ERBB2: variants seen among roughly 807,000 people sequenced by gnomAD.
The protein encoded by ERBB2 is receptor tyrosine-protein kinase erbB-2.
In ERBB2, 61 loss-of-function variants were observed where a neutral mutation model predicts 149.0. The observed-to-expected ratio is 0.41, with a 90% CI of 0.33 to 0.51. The LOEUF (loss-of-function observed/expected upper bound fraction) is 0.51, where lower values mean the gene tolerates loss of function less well. ERBB2 is among the 20% of genes least tolerant of loss of function. ERBB2 has a pLI of 0.25. For missense variants in ERBB2, 1,205 were observed against 1,655.1 expected (o/e 0.73, Z 4.72); for synonymous variants, 633 against 678.8 (o/e 0.93, Z 1.05).
chr17:39,724,566 G>A (rs1050696401), intron 19 of ERBB2, among the ~76,000 whole-genome samples, 160 bp from the exon 20 acceptor site: 2 of 151,984 alleles, frequency 1.3e-5, no homozygotes, highest in African/African-American at 2.4e-5. Flanking sequence ...CCTAATCTTT[G>A]TATTTTTAGT....
chr17:39,712,844 A>G (rs547886000), intron 9 of ERBB2, among the ~76,000 whole-genome samples: 6 of 152,362 alleles, frequency 3.9e-5, no homozygotes, highest in African/African-American at 1.4e-4. Context: ...CCGATACAAC[A>G]TAAATGAATC....
At chr17:39,712,505 C>T (rs2145583064) in intron 9 of ERBB2, 57 bp downstream of exon 9, 1 of 1,587,734 alleles carries the variant, frequency 6.3e-7, no homozygotes, top group Non-Finnish European at 8.6e-7. Flanking sequence ...TCCTGAGGAT[C>T]CAGATGTGGC....
At chr17:39,710,612 T>C in intron 7 of ERBB2, 131 bp downstream of exon 7, 1 of 1,118,380 alleles carries the variant, frequency 8.9e-7, no homozygotes, top group East Asian at 2.5e-5. Context: ...CCGAGCTGCC[T>C]TGTTCTTTCA....
chr17:39,707,247 T>C, intron 2 of ERBB2, 106 bp downstream of exon 2: 1 of 1,009,294 alleles, frequency 9.9e-7, no homozygotes, highest in South Asian at 2.1e-5. Context: ...GTTTCCTCTC[T>C]TGTTGTGGTT....
Position 39,709,311 on chromosome 17 carries a change from C to T in ERBB2, c.440-7C>T, listed in dbSNP as rs1246185893. The T allele has an allele frequency of 1.1e-5, 17 of 1,614,062 alleles. No individual in the cohort carries two copies. The highest frequency in any genetic ancestry group is 1.4e-5 in the Non-Finnish European group (16 of 1,179,994). ...AAAGGGTCCTCTGATCATTGCTCAC[C>T]CCACAGAGATCTTGAAAGGAGGGGT... On this transcript the variant is annotated splice_polypyrimidine_tract_variant and splice_region_variant and intron_variant, in intron 3 of 26. Coordinates refer to ENST00000269571, the MANE Select transcript of ERBB2 (RefSeq NM_004448.4).
Position 39,727,486 on chromosome 17 carries a change from A to G in ERBB2, c.3351A>G (p.Thr1117=), listed in dbSNP as rs368135224. 2 of 1,605,504 alleles carry G rather than the reference A, an allele frequency of 1.2e-6. No homozygotes were observed. Among genetic ancestry groups the G allele is most frequent in the African/African-American group, 2.7e-5 (2 of 74,330 alleles). ...TACAGCGGTACAGTGAGGACCCCAC[A>G]GTACCCCTGCCCTCTGAGACTGATG... ...SPLQRYSEDP[T]VPLPSETDGY... is the part of the protein sequence containing the mutation. The change falls in exon 26 of 27, where the codon ACA becomes ACG. Residue 1117 remains threonine (T), a synonymous_variant. Coordinates refer to ENST00000269571, the MANE Select transcript of ERBB2 (RefSeq NM_004448.4). This position sits in a 1 kb window ranked among gnomAD's most constrained non-coding sequence, Gnocchi z 4.3.
rs750745387 is a variant in ERBB2 at position 39,715,721 on chromosome 17, GC to G, written c.1314-16del. 2 of 1,605,152 alleles carry G rather than the reference GC, an allele frequency of 1.2e-6. No homozygotes were observed. Among genetic ancestry groups the G allele is most frequent in the Middle Eastern group, 1.6e-4 (1 of 6,062 alleles). On this transcript the variant is annotated intron_variant, in intron 11 of 26. Transcript: ENST00000269571. ...ACCGGGAAGGGGTCCGTGGTAAGGTGCCCACCTTTCTCCCATAGTGGCGCCT... is the reference window on the plus strand; with the variant it reads ...ACCGGGAAGGGGTCCGTGGTAAGGTGCCACCTTTCTCCCATAGTGGCGCCT...
chr17:39,724,708 G>A lies in ERBB2; in HGVS notation c.2308-18G>A, dbSNP rs780330615. On this transcript the variant is annotated intron_variant, in intron 19 of 26. Coordinates refer to ENST00000269571, the MANE Select transcript of ERBB2 (RefSeq NM_004448.4). The stretch of plus-strand genomic sequence containing the variant: ...GTGTGTGGTCTCCCATACCCTCTCA[G>A]CGTACCCTTGTCCCCAGGAAGCATA... The A allele has an allele frequency of 6.2e-7, 1 of 1,612,790 alleles. No homozygotes were observed. The highest frequency in any genetic ancestry group is 1.7e-5 in the Admixed American group (1 of 59,940).
intron 14 of ERBB2, 72 bp from the exon 15 acceptor site, chr17:39,717,248 A>G (rs2059185661): frequency 4.5e-6 from 6 of 1,342,710 alleles, no homozygotes; most frequent in Non-Finnish European, 6.0e-6. Context: ...AGGGGACCCA[A>G]CTAAGGGCCT....
chr17:39,699,637 T>A, upstream of ERBB2: 1 of 1,134,640 alleles, frequency 8.8e-7, no homozygotes, highest in Non-Finnish European at 1.3e-6. Context: ...CTAGAGGATG[T>A]GGTGGGAAAA....
chr17:39,726,664 T>G lies in ERBB2; in HGVS notation c.2970+5T>G, dbSNP rs1272219148. On this transcript the variant is annotated splice_donor_5th_base_variant and intron_variant, in intron 24 of 26. Coordinates refer to ENST00000269571, the MANE Select transcript of ERBB2 (RefSeq NM_004448.4). The surrounding 1 kb of genome is among the most constrained non-coding windows in gnomAD (Gnocchi z 5.1). ...CAGCGCTTTGTGGTCATCCAGGTACTGGGCCTCTGTGCCCCATCCCTGCCT... is the reference window on the plus strand; with the variant it reads ...CAGCGCTTTGTGGTCATCCAGGTACGGGGCCTCTGTGCCCCATCCCTGCCT... 2 of 1,613,462 alleles carry G rather than the reference T, an allele frequency of 1.2e-6. No individual in the cohort carries two copies. The highest frequency in any genetic ancestry group is 1.7e-6 in the Non-Finnish European group (2 of 1,179,448).
rs890673544 is a variant in ERBB2, at chr17:39,708,314, C to T, written c.226-7C>T. 29 of 1,610,934 alleles carry T rather than the reference C, an allele frequency of 1.8e-5. No individual in the cohort carries two copies. The highest frequency in any genetic ancestry group is 3.3e-5 in the Admixed American group (2 of 59,930). On this transcript the variant is annotated splice_region_variant and splice_polypyrimidine_tract_variant and intron_variant, in intron 2 of 26. Coordinates refer to ENST00000269571, the MANE Select transcript of ERBB2 (RefSeq NM_004448.4). The stretch of plus-strand genomic sequence containing the variant: ...TATTTCAGCCCCACTCTGCTTCCCC[C>T]TCCCAGGATATCCAGGAGGTGCAGG...
upstream of ERBB2, among the ~76,000 whole-genome samples, chr17:39,692,337 G>A (rs1321531754): frequency 6.6e-6 from 1 of 152,000 alleles, no homozygotes; most frequent in Non-Finnish European, 1.5e-5. Flanking sequence ...AAAAAAGAAA[G>A]TGGAAATAGT....
intron 14 of ERBB2, 130 bp downstream of exon 14, chr17:39,716,735 C>T: frequency 1.3e-6 from 1 of 788,938 alleles, no homozygotes; most frequent in Non-Finnish European, 2.1e-6. Flanking sequence ...GCTCAGCGCT[C>T]AGACCTGAAC....
chr17:39,709,210 G>A, intron 3 of ERBB2, 108 bp from the exon 4 acceptor site: 2 of 1,291,894 alleles, frequency 1.5e-6, no homozygotes, highest in Non-Finnish European at 2.2e-6. Context: ...TGGGGAATCT[G>A]GGGGTTGTTT....
intron 1 of ERBB2, among the ~76,000 whole-genome samples, chr17:39,700,593 GAA>G (rs894652777): frequency 6.6e-6 from 1 of 152,226 alleles, no homozygotes; most frequent in African/African-American, 2.4e-5. Context: ...AAATTGTTCA[GAA>G]AGTTTTCCCG....
upstream of ERBB2, among the ~76,000 whole-genome samples, chr17:39,697,239 T>C (rs2057883422): frequency 6.6e-6 from 1 of 152,212 alleles, no homozygotes; most frequent in African/African-American, 2.4e-5. Context: ...ATTTCTCGAA[T>C]GTTTGTGACA....
At position 39,712,445 on chromosome 17, in the gene ERBB2, A is replaced by C; in HGVS notation, c.1145A>C (p.Asp382Ala). 1 of 1,613,610 alleles carries C rather than the reference A, an allele frequency of 6.2e-7. No individual in the cohort carries two copies. The change falls in exon 9 of 27, where the codon GAT (aspartate) becomes GCT (alanine). Residue 382 changes from aspartate (D) to alanine (A), a missense_variant. Coordinates refer to ENST00000269571, the MANE Select transcript of ERBB2 (RefSeq NM_004448.4). Reference protein sequence around the residue: ...GSLAFLPESFDGDPASNTAPL... With the variant: ...GSLAFLPESFAGDPASNTAPL... ...CTGGCATTTCTGCCGGAGAGCTTTG[A>C]TGGGTAAGAGTGGGCACGATGACCT... is the stretch of plus-strand genomic sequence containing the variant.
rs764838260 is a variant in ERBB2, at chr17:39,726,357, A to G, written c.2873-205A>G. The G allele has an allele frequency of 1.8e-6, 1 of 570,986 alleles. No individual in the cohort carries two copies. Among genetic ancestry groups the G allele is most frequent in the Non-Finnish European group, 3.1e-6 (1 of 320,372 alleles). The allele number at this position is 570,986 out of a possible 1,614,324, so 35.4% of individuals were successfully genotyped here. Reference sequence around the variant, plus strand: ...CAAAAAAATAAAAAAGCAAACAAAAAGAAAAAAAAAATTAAAAGGGAAACT... The same window carrying G: ...CAAAAAAATAAAAAAGCAAACAAAAGGAAAAAAAAAATTAAAAGGGAAACT... On this transcript the variant is annotated intron_variant, in intron 23 of 26. Coordinates refer to ENST00000269571, the MANE Select transcript of ERBB2 (RefSeq NM_004448.4). This position sits in a 1 kb window ranked among gnomAD's most constrained non-coding sequence, Gnocchi z 5.1.
Sources: gnomAD v4.1 joint callset for allele counts (sites outside exome capture counted in the v4.1 genomes callset) on GRCh38, gnomAD v4.1.1 for gene constraint, Gnocchi (gnomAD v3.1) non-coding constraint, MANE v1.5 for transcripts, NCBI Gene and HGNC (gene_info 2026-07-23, HGNC 2026-07-21) for gene names.